CACNA2D3: variants seen among roughly 807,000 people sequenced by gnomAD.
CACNA2D3 encodes voltage-dependent calcium channel subunit alpha-2/delta-3.
In CACNA2D3, 60 loss-of-function variants were observed where a neutral mutation model predicts 160.6. The ratio of observed to expected loss-of-function variants is 0.37; its 90% CI spans 0.30 to 0.46. The LOEUF is 0.46. Ranked by LOEUF, CACNA2D3 falls within the 20% of genes least tolerant of loss-of-function variation. CACNA2D3 has a pLI of 1.00. For missense variants in CACNA2D3, 1,205 were observed against 1,365.0 expected (o/e 0.88, Z 1.85); for synonymous variants, 558 against 492.9 (o/e 1.13, Z -1.75).
chr3:54,403,760 A>G (rs1423700560), intron 4 of CACNA2D3, among the ~76,000 whole-genome samples: 2 of 152,162 alleles, frequency 1.3e-5, no homozygotes, highest in Non-Finnish European at 2.9e-5. Flanking sequence ...TAGACTAAGA[A>G]AAGAGAGAAG....
rs138201931 is a variant in CACNA2D3, at chr3:54,201,038, G to C, written c.204+77444G>C. 4.6e-5 allele frequency among the ~76,000 whole-genome samples: 7 copies of C among 152,362 alleles called. No individual in the cohort carries two copies. The East Asian group carries it at 1.3e-3, about 29-fold the overall frequency. On this transcript the variant is annotated intron_variant, in intron 2 of 37. Transcript: ENST00000474759. ...ACACATAATGCTACTGAGCACCTGAGAGTGTGTGGCCGGTCTGAAATGAGA... is the reference window on the plus strand; with the variant it reads ...ACACATAATGCTACTGAGCACCTGACAGTGTGTGGCCGGTCTGAAATGAGA...
At chr3:54,837,742 G>A (rs1698726902) in intron 15 of CACNA2D3, among the ~76,000 whole-genome samples, 1 of 152,102 alleles carries the variant, frequency 6.6e-6, no homozygotes, top group Non-Finnish European at 1.5e-5. Context: ...GCTTGTGGCA[G>A]TGTCACTCCA....
chr3:54,183,784 C>G (rs1232336469), intron 2 of CACNA2D3, among the ~76,000 whole-genome samples: 5 of 147,384 alleles, frequency 3.4e-5, no homozygotes, highest in African/African-American at 1.0e-4. Flanking sequence ...ACTCGGGAGG[C>G]TGAGGCAGGA....
intron 11 of CACNA2D3, among the ~76,000 whole-genome samples, chr3:54,691,581 C>T (rs1395431257): frequency 1.3e-5 from 2 of 152,118 alleles, no homozygotes; most frequent in African/African-American, 2.4e-5. Context: ...AAGTATATTG[C>T]CAGCAGACAG....
intron 2 of CACNA2D3, among the ~76,000 whole-genome samples, chr3:54,157,022 G>A (rs1290352083): frequency 6.6e-6 from 1 of 152,160 alleles, no homozygotes. Context: ...TAGACTGGGT[G>A]GCTTAAGCAA....
chr3:54,327,543 T>C (rs963473881), intron 3 of CACNA2D3, among the ~76,000 whole-genome samples: 6 of 152,360 alleles, frequency 3.9e-5, no homozygotes, highest in Non-Finnish European at 2.9e-5. Flanking sequence ...ACGCTTTCCA[T>C]TTGCAAAGCT....
intron 2 of CACNA2D3, among the ~76,000 whole-genome samples, chr3:54,154,156 A>G (rs957276806): frequency 1.1e-4 from 16 of 152,204 alleles, no homozygotes; most frequent in African/African-American, 3.9e-4. Context: ...ACATCCAGAT[A>G]CTTATTTTCT....
chr3:54,243,317 A>G (rs1191902860), intron 2 of CACNA2D3, among the ~76,000 whole-genome samples: 1 of 152,204 alleles, frequency 6.6e-6, no homozygotes, highest in Non-Finnish European at 1.5e-5. Flanking sequence ...CCAAAAATGG[A>G]ATGGGTGCCC....
At chr3:54,756,372 G>A (rs372501668) in intron 12 of CACNA2D3, among the ~76,000 whole-genome samples, 68 of 152,286 alleles carry the variant, frequency 4.5e-4, no homozygotes, top group Middle Eastern at 3.4e-3. Flanking sequence ...TTGGCTTCAC[G>A]TTGCGTCAGT....
At chr3:54,537,093 CAGAGAGAGAGAG>C (rs35469509) in intron 5 of CACNA2D3, among the ~76,000 whole-genome samples, 1 of 148,440 alleles carries the variant, frequency 6.7e-6, no homozygotes, top group African/African-American at 2.5e-5. Flanking sequence ...GAAACCAAGG[CAGAGAGAGAGAG>C]AGAGAGAGAG....
At chr3:54,654,195 C>G (rs560060774) in intron 11 of CACNA2D3, among the ~76,000 whole-genome samples, 1 of 152,168 alleles carries the variant, frequency 6.6e-6, no homozygotes, top group Non-Finnish European at 1.5e-5. Context: ...AGTGGGGGGT[C>G]TTGCCAAAAG....
chr3:54,793,885 C>T (rs750136908), intron 13 of CACNA2D3, among the ~76,000 whole-genome samples: 16 of 152,054 alleles, frequency 1.1e-4, no homozygotes, highest in Non-Finnish European at 2.1e-4. Context: ...GTTCCTCATT[C>T]CAAATTCATT....
chr3:54,720,098 G>A (rs1701142148), intron 11 of CACNA2D3, among the ~76,000 whole-genome samples: 1 of 151,682 alleles, frequency 6.6e-6, no homozygotes, highest in Admixed American at 6.6e-5. Flanking sequence ...GTAACTTTTT[G>A]GCATTGTACA....
intron 4 of CACNA2D3, among the ~76,000 whole-genome samples, chr3:54,472,860 C>G (rs1024498839): frequency 6.6e-6 from 1 of 152,136 alleles, no homozygotes; most frequent in Admixed American, 6.5e-5. Context: ...AGGAGAACTA[C>G]AAACCACTGC....
rs143480755 is a variant in CACNA2D3 at position 54,765,300 on chromosome 3, C to T, written c.1380+949C>T. 2.1e-3 allele frequency among the ~76,000 whole-genome samples: 323 copies of T among 152,232 alleles called. 1 individual carries two copies. The highest frequency in any genetic ancestry group is 7.3e-3 in the African/African-American group (302 of 41,550). On this transcript the variant is annotated intron_variant, in intron 13 of 37. Coordinates refer to ENST00000474759, the MANE Select transcript of CACNA2D3 (RefSeq NM_018398.3). ...ACAGGCCAGGCCACAGCAGCCTGCC[C>T]CATCTCAGCCTTAAAGTATGCAATG...
chr3:55,073,951 T>G (rs1575463669), intron 37 of CACNA2D3, 92 bp downstream of exon 37: 2 of 1,194,088 alleles, frequency 1.7e-6, no homozygotes, highest in Non-Finnish European at 2.5e-6. Flanking sequence ...AAAAGTTCAC[T>G]CATGAGAAAA....
chr3:54,409,239 T>A (rs1384735367), intron 4 of CACNA2D3, among the ~76,000 whole-genome samples: 1 of 152,224 alleles, frequency 6.6e-6, no homozygotes, highest in African/African-American at 2.4e-5. Flanking sequence ...TATTTCAGAC[T>A]TTTTCACTAT....
chr3:54,543,087 C>T (rs1339056307), intron 5 of CACNA2D3, among the ~76,000 whole-genome samples: 4 of 152,190 alleles, frequency 2.6e-5, no homozygotes, highest in South Asian at 2.1e-4. Context: ...ACATTTATTC[C>T]GATTAATACA....
chr3:55,033,990 T>C (rs1703760541), intron 35 of CACNA2D3, among the ~76,000 whole-genome samples: 1 of 149,348 alleles, frequency 6.7e-6, no homozygotes, highest in African/African-American at 2.5e-5. Flanking sequence ...CTTTCTGTTG[T>C]TCCAAAACAT....
Sources: allele counts gnomAD v4.1 joint callset (sites outside exome capture counted in the v4.1 genomes callset), GRCh38; gene constraint gnomAD v4.1.1; transcripts MANE v1.5; gene names NCBI Gene and HGNC (gene_info 2026-07-23, HGNC 2026-07-21).